Variants in SEH1L observed in about 807,000 individuals in gnomAD.
SEH1L encodes SEH1 like nucleoporin, also known as nucleoporin SEH1.
Under a neutral mutation model 49.5 loss-of-function variants are expected in SEH1L, and 18 were observed. The observed-to-expected ratio is 0.36, with a 90% CI of 0.25 to 0.54. The LOEUF (loss-of-function observed/expected upper bound fraction) is 0.54. Ranked by LOEUF, SEH1L falls within the 20% of genes least tolerant of loss-of-function variation. The probability of loss-of-function intolerance (pLI) is 0.87; values close to 1 mark genes in which losing one functional copy is unlikely to be tolerated. For missense variants in SEH1L, 404 were observed against 528.8 expected (o/e 0.76, Z 2.31); for synonymous variants, 169 against 178.1 (o/e 0.95, Z 0.41).
intron 4 of SEH1L, among the ~76,000 whole-genome samples, chr18:12,965,379 AAC>A (rs1187872162): frequency 6.6e-6 from 1 of 152,206 alleles, no homozygotes; most frequent in Non-Finnish European, 1.5e-5. Flanking sequence ...GTAAACATTT[AAC>A]ACATGTGTAA....
chr18:12,970,511 C>T (rs1365334563), intron 4 of SEH1L, among the ~76,000 whole-genome samples: 6 of 152,246 alleles, frequency 3.9e-5, no homozygotes, highest in Admixed American at 3.9e-4. Context: ...GCCTCCAACT[C>T]CTGGGCGCAA....
At chr18:12,959,516 C>T (rs150360561) in intron 3 of SEH1L, among the ~76,000 whole-genome samples, 26 of 152,260 alleles carry the variant, frequency 1.7e-4, no homozygotes, top group Non-Finnish European at 3.2e-4. Context: ...ACTTGAAATT[C>T]GGTATGCTTC....
chr18:12,971,178 G>A lies in SEH1L; in HGVS notation c.547G>A (p.Ala183Thr). ...SSSRAHSPMI[A>T]VGSDDSSPNA... ...CTCTCGTGCTCATTCCCCCATGATC[G>A]CCGTAGGAAGTGATGACAGTAGCCC... is the stretch of plus-strand genomic sequence containing the variant. The change falls in exon 5 of 9, where the codon GCC becomes ACC. Residue 183 changes from alanine to threonine, a missense_variant. Around this residue, in one of 3 missense-constraint regions of SEH1L, gnomAD observed 342 missense variants for 430.8 expected, o/e 0.79. Transcript: ENST00000399892. 3.7e-6 allele frequency: 6 copies of A among 1,613,476 alleles called. No homozygotes were observed. Among genetic ancestry groups the A allele is most frequent in the South Asian group, 1.1e-5 (1 of 91,050 alleles).
At chr18:12,977,872 A>T (rs1255201520) in intron 5 of SEH1L, 1 of 151,678 alleles carries the variant, frequency 6.6e-6, no homozygotes. Context: ...TGTGTTGCCC[A>T]GGCTGGAGTG....
chr18:12,971,764 T>A (rs1275169955), intron 5 of SEH1L: 2 of 152,966 alleles, frequency 1.3e-5, no homozygotes, highest in African/African-American at 4.8e-5. Context: ...AAAGAGCTTA[T>A]ACCTGGGGAA....
Position 12,948,045 on chromosome 18 carries a change from G to A in SEH1L, c.-77G>A. ...CGTGCGCTCCCGGGCTGCGAGGTCT[G>A]GCTAGGCTACGGGCCACGCGCCGCC... is the stretch of plus-strand genomic sequence containing the variant. On this transcript the variant is annotated 5_prime_UTR_variant, in exon 1 of 9. Transcript: ENST00000399892. 1 of 1,110,780 alleles carries A rather than the reference G, an allele frequency of 9.0e-7. No homozygotes were observed. The highest frequency in any genetic ancestry group is 1.3e-6 in the Non-Finnish European group (1 of 756,564). 68.8% of individuals were successfully genotyped at this position (1,110,780 alleles called of 1,614,324 possible).
intron 4 of SEH1L, among the ~76,000 whole-genome samples, chr18:12,964,704 CG>C (rs2031357991): frequency 7.2e-6 from 1 of 139,076 alleles, no homozygotes; most frequent in African/African-American, 2.7e-5. Context: ...GGCATGATCT[CG>C]GCTCACTGCA....
At chr18:12,961,965 C>T (rs1372198627) in intron 3 of SEH1L, among the ~76,000 whole-genome samples, 3 of 152,254 alleles carry the variant, frequency 2.0e-5, no homozygotes, top group East Asian at 1.9e-4. Context: ...TGCACCTGAG[C>T]TTATTGATGT....
chr18:12,980,781 G>A (rs1395539603), intron 6 of SEH1L, among the ~76,000 whole-genome samples: 3 of 58,864 alleles, frequency 5.1e-5, no homozygotes, highest in Non-Finnish European at 9.7e-5. Flanking sequence ...GGGCAGAGGC[G>A]CCCCTCACCT....
rs201206357 is a variant in SEH1L, at chr18:12,982,531, T to G, written c.775T>G (p.Ser259Ala). 30 of 1,609,812 alleles carry G rather than the reference T, an allele frequency of 1.9e-5. No homozygotes were observed. Among genetic ancestry groups the G allele is most frequent in the Non-Finnish European group, 2.5e-5 (29 of 1,178,830 alleles). The change falls in exon 7 of 9, where the codon TCC becomes GCC. Residue 259 changes from serine to alanine, a missense_variant. This residue lies in a region of SEH1L where 342 missense variants were observed against 430.8 expected (regional missense o/e 0.79). Coordinates refer to ENST00000399892, the MANE Select transcript of SEH1L (RefSeq NM_001013437.2). ...TLKPVRKELT[S>A]SGGPTKFEIH... is the part of the protein sequence containing the mutation. ...TTTTATTAACAGGAAAGAACTGACT[T>G]CCTCTGGTGGGCCAACAAAGTTTGA...
At chr18:12,983,959 A>G in intron 7 of SEH1L, 81 bp from the exon 8 acceptor site, 1 of 1,020,528 alleles carries the variant, frequency 9.8e-7, no homozygotes, top group Non-Finnish European at 1.4e-6. Flanking sequence ...CTTTAATTGT[A>G]GTTTAAGGAC....
intron 3 of SEH1L, 32 bp downstream of exon 3, chr18:12,955,641 G>T: frequency 6.2e-7 from 1 of 1,607,374 alleles, no homozygotes; most frequent in Non-Finnish European, 8.5e-7. Flanking sequence ...TGGGGACCGG[G>T]AAGACATGAG....
chr18:12,954,730 A>G (rs1264590358), intron 2 of SEH1L, among the ~76,000 whole-genome samples: 1 of 152,162 alleles, frequency 6.6e-6, no homozygotes, highest in Non-Finnish European at 1.5e-5. Flanking sequence ...AGCCCCCTAA[A>G]GGGCTGAGAA....
rs1362605459 is a variant in SEH1L, at chr18:12,978,832, C to A, written c.701C>A (p.Ser234Tyr). The A allele has an allele frequency of 1.9e-6, 3 of 1,613,886 alleles. No individual in the cohort carries two copies. The highest frequency in any genetic ancestry group is 2.7e-5 in the African/African-American group (2 of 74,920). The change falls in exon 6 of 9, where the codon TCT (serine) becomes TAT (tyrosine). Residue 234 changes from serine (S) to tyrosine (Y), a missense_variant. Ser to Tyr is a moderately radical substitution (Grantham distance 144). Around this residue, in one of 3 missense-constraint regions of SEH1L, gnomAD observed 342 missense variants for 430.8 expected, o/e 0.79. Transcript: ENST00000399892. Reference protein sequence around the residue: ...DIAFAPNLGRSFHILAIATKD... With the variant: ...DIAFAPNLGRYFHILAIATKD... The stretch of plus-strand genomic sequence containing the variant: ...GCATTCGCTCCAAATTTGGGAAGAT[C>A]TTTCCATATTCTAGCAATAGCGACC...
chr18:12,984,366 T>C, intron 8 of SEH1L, 176 bp downstream of exon 8: 2 of 661,540 alleles, frequency 3.0e-6, no homozygotes, highest in South Asian at 3.9e-5. Context: ...TTGGTCATAA[T>C]ATTTGCAGGT....
chr18:12,986,727 C>CTT (rs34381701), intron 8 of SEH1L, 135 bp from the exon 9 acceptor site: 302 of 1,002,956 alleles, frequency 3.0e-4, no homozygotes, highest in African/African-American at 4.3e-4. Context: ...TATACTAAAG[C>CTT]TTTTTTTTTT....
intron 4 of SEH1L, among the ~76,000 whole-genome samples, chr18:12,968,754 G>A (rs1029734381): frequency 1.9e-4 from 29 of 152,242 alleles, no homozygotes; most frequent in Non-Finnish European, 3.8e-4. Flanking sequence ...GGAGATCCAG[G>A]TGATCTGTCT....
chr18:12,978,837 C>T lies in SEH1L; in HGVS notation c.706C>T (p.His236Tyr). The T allele has an allele frequency of 6.2e-7, 1 of 1,613,926 alleles. No homozygotes were observed. Among genetic ancestry groups the T allele is most frequent in the Middle Eastern group, 1.7e-4 (1 of 6,060 alleles). Residue 236 changes from histidine (H) to tyrosine (Y), a missense_variant, in exon 6 of 9, where the codon CAT becomes TAT. His to Tyr is a moderately conservative substitution (Grantham distance 83, BLOSUM62 2). Coordinates refer to ENST00000399892, the MANE Select transcript of SEH1L (RefSeq NM_001013437.2). Reference protein sequence around the residue: ...AFAPNLGRSFHILAIATKDVR... With the variant: ...AFAPNLGRSFYILAIATKDVR... ...CGCTCCAAATTTGGGAAGATCTTTC[C>T]ATATTCTAGCAATAGCGACCAAAGA...
intron 6 of SEH1L, among the ~76,000 whole-genome samples, chr18:12,980,866 G>C (rs1429326543): frequency 6.8e-6 from 1 of 146,022 alleles, no homozygotes; most frequent in East Asian, 2.2e-4. Context: ...TGGCCGGGCG[G>C]GGGGCTGACC....
Sources: allele counts gnomAD v4.1 joint callset (sites outside exome capture counted in the v4.1 genomes callset), GRCh38; gene constraint gnomAD v4.1.1; regional missense constraint gnomAD v4.1.1; transcripts MANE v1.5; gene names NCBI Gene and HGNC (gene_info 2026-07-23, HGNC 2026-07-21).